The following GCC2 variants were observed in gnomAD, a reference collection of about 807,000 sequenced individuals.
GCC2 encodes GRIP and coiled-coil domain containing 2.
Under a neutral mutation model 210.6 loss-of-function variants are expected in GCC2, and 120 were observed. The ratio of observed to expected loss-of-function variants is 0.57; its 90% confidence interval spans 0.49 to 0.66. The LOEUF (loss-of-function observed/expected upper bound fraction) is 0.66. GCC2 is among the 30% of genes least tolerant of loss of function. The probability of loss-of-function intolerance (pLI) is 0.00; values close to 1 mark genes in which losing one functional copy is unlikely to be tolerated. For missense variants in GCC2, 1,868 were observed against 1,871.9 expected, an observed-to-expected ratio of 1.00 and a Z score of 0.04; for synonymous variants, 703 against 652.7, an observed-to-expected ratio of 1.08 and a Z score of -1.17.
intron 4 of GCC2, among the ~76,000 whole-genome samples, chr2:108,458,974 G>T (rs1292563769): frequency 7.2e-5 from 11 of 151,870 alleles, no homozygotes; most frequent in Non-Finnish European, 1.6e-4. Context: ...TTTGGCTTTG[G>T]CTTGTTCTTT....
chr2:108,488,294 C>T (rs960921295), intron 17 of GCC2, among the ~76,000 whole-genome samples: 2 of 152,118 alleles, frequency 1.3e-5, no homozygotes, highest in Non-Finnish European at 2.9e-5. Context: ...TGTCTGCAGA[C>T]AGTAACAGGG....
intron 4 of GCC2, among the ~76,000 whole-genome samples, chr2:108,465,382 A>T (rs1680826433): frequency 6.6e-6 from 1 of 152,190 alleles, no homozygotes; most frequent in Admixed American, 6.5e-5. Context: ...CTTTTGGGGT[A>T]CAAGAGGTTT....
At chr2:108,497,543 C>G (rs1488709767) in intron 21 of GCC2, among the ~76,000 whole-genome samples, 2 of 152,164 alleles carry the variant, frequency 1.3e-5, no homozygotes, top group African/African-American at 4.8e-5. Flanking sequence ...TTAAATAAAA[C>G]TTAAATGGGT....
chr2:108,493,950 A>G (rs1352284755), intron 19 of GCC2: 3 of 984,796 alleles, frequency 3.0e-6, no homozygotes, highest in Non-Finnish European at 2.4e-6. Context: ...TGAAATCTGA[A>G]GTTTAAAAAT....
At chr2:108,460,510 G>A (rs957659650) in intron 4 of GCC2, among the ~76,000 whole-genome samples, 2 of 151,938 alleles carry the variant, frequency 1.3e-5, no homozygotes, top group African/African-American at 2.4e-5. Context: ...TTCCTTATTT[G>A]TGTGTTGCTT....
intron 4 of GCC2, among the ~76,000 whole-genome samples, chr2:108,458,101 C>G (rs1310082413): frequency 2.6e-5 from 4 of 152,084 alleles, no homozygotes; most frequent in African/African-American, 9.7e-5. Flanking sequence ...TCCTTCTGTG[C>G]CTAGTTTGCT....
At chr2:108,476,239 T>A (rs943501943) in intron 9 of GCC2, among the ~76,000 whole-genome samples, 4 of 151,956 alleles carry the variant, frequency 2.6e-5, no homozygotes, top group African/African-American at 9.7e-5. Context: ...TTTGTATTTT[T>A]AGTAGAGACG....
intron 17 of GCC2, among the ~76,000 whole-genome samples, chr2:108,488,145 G>A (rs1366294297): frequency 6.6e-6 from 1 of 152,024 alleles, no homozygotes; most frequent in Non-Finnish European, 1.5e-5. Flanking sequence ...GACCTCAGAT[G>A]ATCCACCCGC....
At chr2:108,451,900 G>A (rs1679968430) in intron 3 of GCC2, among the ~76,000 whole-genome samples, 1 of 146,122 alleles carries the variant, frequency 6.8e-6, no homozygotes. Flanking sequence ...CTGGAGTGCA[G>A]TGGCGCAATC....
rs376990612 is a variant in GCC2 at position 108,471,355 on chromosome 2, C to A, written c.2026C>A (p.Leu676Ile). 114 of 1,610,660 alleles carry A rather than the reference C, an allele frequency of 7.1e-5. No individual in the cohort carries two copies. The highest frequency in any genetic ancestry group is 4.3e-5 in the Non-Finnish European group (51 of 1,179,162). The change falls in exon 6 of 23, where the codon CTC becomes ATC. Residue 676 changes from leucine (L) to isoleucine (I), a missense_variant. Leu to Ile is a conservative substitution (Grantham distance 5). Transcript: ENST00000309863. ...LEKLMVQMKV[L>I]SEDKEVLSAE... ...AAAACTTATGGTTCAAATGAAAGTT[C>A]TCTCTGAAGACAAAGAAGTATTGTC... is the stretch of plus-strand genomic sequence containing the variant.
In GCC2 at chr2:108,495,499, T is replaced by C. The variant is rs529045908; in HGVS notation, c.4642+14T>C. On this transcript the variant is annotated intron_variant, in intron 20 of 22. Transcript: ENST00000309863. ...AAACTAAACTTGGTATGTTACTCTG[T>C]CTAAATATGTTTTTCTTATTTAATT... 1.7e-4 allele frequency: 254 copies of C among 1,528,118 alleles called. No individual in the cohort carries two copies. Among genetic ancestry groups the C allele is most frequent in the Non-Finnish European group, 2.1e-4 (232 of 1,128,238 alleles). The allele number at this position is 1,528,118 out of a possible 1,614,324, so 94.7% of individuals were successfully genotyped here.
chr2:108,500,342 G>A (rs1262000308), intron 22 of GCC2, among the ~76,000 whole-genome samples: 5 of 151,908 alleles, frequency 3.3e-5, no homozygotes, highest in African/African-American at 4.8e-5. Context: ...GTGAAATCTC[G>A]TCTCTACTAA....
chr2:108,505,988 A>G (rs1212366158), intron 22 of GCC2, among the ~76,000 whole-genome samples: 4 of 152,142 alleles, frequency 2.6e-5, no homozygotes, highest in Non-Finnish European at 5.9e-5. Flanking sequence ...AAACACAGAA[A>G]GGTGTCTGGA....
In GCC2 at chr2:108,451,067, A is replaced by C; in HGVS notation, c.103A>C (p.Lys35Gln). Reference protein sequence around the residue: ...LPKEDLIKFAKKQMMLIQKAK... With the variant: ...LPKEDLIKFAQKQMMLIQKAK... ...CAAAGAAGACCTCATCAAGTTTGCC[A>C]AGAAACAGATGATGCTAATACAGAA... The change falls in exon 3 of 23, where the codon AAG becomes CAG. Residue 35 changes from lysine (K) to glutamine (Q), a missense_variant. Coordinates refer to ENST00000309863, the MANE Select transcript of GCC2 (RefSeq NM_181453.4). 1 of 1,613,332 alleles carries C rather than the reference A, an allele frequency of 6.2e-7. No homozygotes were observed. The highest frequency in any genetic ancestry group is 8.5e-7 in the Non-Finnish European group (1 of 1,179,280).
chr2:108,453,225 CCA>C (rs1327706793), intron 4 of GCC2, among the ~76,000 whole-genome samples: 1 of 152,162 alleles, frequency 6.6e-6, no homozygotes, highest in African/African-American at 2.4e-5. Flanking sequence ...ACCAGTGGCA[CCA>C]CAGTTTTTTA....
chr2:108,500,455 G>A (rs1332015954), intron 22 of GCC2, among the ~76,000 whole-genome samples: 1 of 152,196 alleles, frequency 6.6e-6, no homozygotes, highest in African/African-American at 2.4e-5. Flanking sequence ...AGAGGTTGCA[G>A]TGAGCTGTCA....
At chr2:108,452,586 T>TA (rs1335614170) in intron 4 of GCC2, 120 bp downstream of exon 4, 4 of 684,858 alleles carry the variant, frequency 5.8e-6, no homozygotes, top group Non-Finnish European at 7.9e-6. Context: ...TGGTTGTTTT[T>TA]ACCTATCTGA....
Position 108,449,332 on chromosome 2 carries a change from T to C in GCC2, c.6+52T>C, listed in dbSNP as rs779923761. ...CCATCAAGCCTTCCGCGCCGCGATT[T>C]GGGATGTGGGAGTGGGCCCGATGGG... On this transcript the variant is annotated intron_variant, in intron 1 of 22. Transcript: ENST00000309863. 3.9e-6 allele frequency: 6 copies of C among 1,537,098 alleles called. No homozygotes were observed. The African/African-American group carries it at 5.5e-5, about 14-fold the overall frequency.
chr2:108,449,753 T>C (rs1245067732), intron 2 of GCC2, 64 bp downstream of exon 2: 12 of 1,314,470 alleles, frequency 9.1e-6, no homozygotes, highest in African/African-American at 1.5e-5. Context: ...TGGAAAACTT[T>C]GGCATGGGGA....
Sources: gnomAD v4.1 joint callset for allele counts (sites outside exome capture counted in the v4.1 genomes callset) on GRCh38, gnomAD v4.1.1 for gene constraint, MANE v1.5 for transcripts, NCBI Gene and HGNC (gene_info 2026-07-23, HGNC 2026-07-21) for gene names.